RPH3AL: variants seen among roughly 807,000 people sequenced by gnomAD.
The protein encoded by RPH3AL is rab effector Noc2.
In RPH3AL, 38 loss-of-function variants were observed where a neutral mutation model predicts 43.1. That is an observed-to-expected ratio of 0.88 (90% CI 0.68 to 1.15). RPH3AL has a LOEUF of 1.15. RPH3AL is among the 50% of genes most tolerant of loss of function. RPH3AL has a pLI of 0.00. For synonymous variants in RPH3AL, 189 were observed against 176.3 expected (o/e 1.07, Z -0.57); for missense variants, 462 against 423.2 (o/e 1.09, Z -0.81).
chr17:335,047 G>T (rs775080634), intron 1 of RPH3AL, among the ~76,000 whole-genome samples: 10 of 152,212 alleles, frequency 6.6e-5, no homozygotes. Flanking sequence ...TGGCACGAAC[G>T]AGCGCGCTTT....
intron 3 of RPH3AL, among the ~76,000 whole-genome samples, chr17:326,606 C>A (rs754032441): frequency 6.6e-6 from 1 of 152,162 alleles, no homozygotes; most frequent in Non-Finnish European, 1.5e-5. Context: ...CAGGGCCAGG[C>A]GCGGTGGCTC....
chr17:348,116 C>G (rs1311188793), intron 1 of RPH3AL, among the ~76,000 whole-genome samples: 2 of 148,776 alleles, frequency 1.3e-5, no homozygotes, highest in African/African-American at 4.9e-5. Flanking sequence ...AAAAACAGAG[C>G]TGGCAAAGGG....
intron 6 of RPH3AL, among the ~76,000 whole-genome samples, chr17:280,450 T>C (rs1195758580): frequency 2.0e-5 from 3 of 152,090 alleles, no homozygotes; most frequent in African/African-American, 7.2e-5. Flanking sequence ...ATAATCCCAG[T>C]ATCACCATGG....
In RPH3AL at chr17:215,675, G is replaced by C. The variant is rs182695940; in HGVS notation, c.855C>G (p.Pro285=). ...GSADPPGGPR[P]GLTRRAPVKD... is the part of the protein sequence containing the mutation. ...TCACCGGGGCCCTTCGGGTCAGCCC[G>C]GGGCGGGGTCCCCCTGGCGGGTCAG... is the stretch of plus-strand genomic sequence containing the variant. The change falls in exon 9 of 10, where the codon CCC becomes CCG. Residue 285 remains proline, a synonymous_variant. Coordinates refer to ENST00000331302, the MANE Select transcript of RPH3AL (RefSeq NM_006987.4). The surrounding 1 kb of genome is among the most constrained non-coding windows in gnomAD (Gnocchi z 4.1). 6.3e-6 allele frequency: 8 copies of C among 1,276,586 alleles called. No homozygotes were observed. Among genetic ancestry groups the C allele is most frequent in the Non-Finnish European group, 7.9e-6 (8 of 1,006,326 alleles). 79.1% of individuals were successfully genotyped at this position (1,276,586 alleles called of 1,614,324 possible). A position where few individuals can be genotyped will look rare whatever the true frequency, so the allele number is the denominator to read the frequency against.
At chr17:241,246 G>A (rs2041526602) in intron 7 of RPH3AL, among the ~76,000 whole-genome samples, 1 of 151,660 alleles carries the variant, frequency 6.6e-6, no homozygotes, top group Non-Finnish European at 1.5e-5. Flanking sequence ...GAATTTAAAA[G>A]TTTGGTAGGT....
At chr17:294,224 G>A (rs1354825358) in intron 5 of RPH3AL, among the ~76,000 whole-genome samples, 3 of 151,846 alleles carry the variant, frequency 2.0e-5, no homozygotes, top group Non-Finnish European at 4.4e-5. Flanking sequence ...ACGTACAAAC[G>A]CCAGCATGGG....
rs546296899 is a variant in RPH3AL, at chr17:347,591, A to C, written c.-213+5121T>G. Among the ~76,000 whole-genome samples the C allele has an allele frequency of 2.0e-5, 3 of 152,090 alleles. No individual in the cohort carries two copies. In the South Asian group the frequency reaches 6.2e-4, roughly 32 times the overall value. ...AGAGCAAGACTCTGTTCAAAAAAAA[A>C]ACCAGCCCAGCCACTTTGGAAGGTA... On this transcript the variant is annotated intron_variant, in intron 1 of 9. Coordinates refer to ENST00000331302, the MANE Select transcript of RPH3AL (RefSeq NM_006987.4).
Position 333,721 on chromosome 17 carries a change from A to T in RPH3AL, c.-37+38T>A, listed in dbSNP as rs1215707541. 1 of 175,130 alleles carries T rather than the reference A, an allele frequency of 5.7e-6. No homozygotes were observed. Among genetic ancestry groups the T allele is most frequent in the African/African-American group, 2.4e-5 (1 of 42,438 alleles). The allele number at this position is 175,130 out of a possible 1,614,324, so 10.8% of individuals were successfully genotyped here. The stretch of plus-strand genomic sequence containing the variant: ...GCCTTAGGATAAGTTCCCAAAAGGG[A>T]AATGAAGTGCATTTTTTCAGTGTAT... On this transcript the variant is annotated intron_variant, in intron 2 of 9. Transcript: ENST00000331302. The surrounding 1 kb of genome is among the most constrained non-coding windows in gnomAD (Gnocchi z 4.5).
intron 5 of RPH3AL, among the ~76,000 whole-genome samples, chr17:312,123 G>A (rs1052321818): frequency 6.6e-5 from 10 of 152,030 alleles, no homozygotes; most frequent in African/African-American, 2.2e-4. Context: ...GCAACAAAGC[G>A]ATACCCTGTC....
At chr17:284,548 G>A (rs2042859870) in intron 5 of RPH3AL, among the ~76,000 whole-genome samples, 2 of 152,014 alleles carry the variant, frequency 1.3e-5, no homozygotes, top group South Asian at 2.1e-4. Context: ...TAGGAGCAAC[G>A]GCCCAGGCTG....
In RPH3AL at chr17:290,218, T is replaced by C. The variant is rs572398982; in HGVS notation, c.352-8364A>G. 1.4e-4 allele frequency among the ~76,000 whole-genome samples: 21 copies of C among 152,270 alleles called. No homozygotes were observed. The highest frequency in any genetic ancestry group is 1.4e-3 in the East Asian group (7 of 5,178). On this transcript the variant is annotated intron_variant, in intron 5 of 9. Transcript: ENST00000331302. This position sits in a 1 kb window ranked among gnomAD's most constrained non-coding sequence, Gnocchi z 4.2. ...GAGGCAGGGTCCAATCACGTCCACA[T>C]TGAGTGATGCTGACCAGCAGGATTG...
rs752286493 is a variant in RPH3AL, at chr17:235,982, A to G, written c.613+11129T>C. Among the ~76,000 whole-genome samples the G allele has an allele frequency of 3.8e-3, 363 of 95,786 alleles. 5 individuals carry two copies. Among genetic ancestry groups the G allele is most frequent in the Middle Eastern group, 0.016 (3 of 182 alleles). The allele number at this position is 95,786 out of a possible 152,430, so 62.8% of individuals were successfully genotyped here. On this transcript the variant is annotated intron_variant, in intron 7 of 9. Transcript: ENST00000331302. ...CAAAGCTGGGGTCGGCCAAGGCTCT[A>G]CACTAACAAGACGGGTCCATGGGTC...
At chr17:338,588 T>C (rs980551640) in intron 1 of RPH3AL, 1 of 152,240 alleles carries the variant, frequency 6.6e-6, no homozygotes, top group African/African-American at 2.4e-5. Context: ...GAGCACTCTC[T>C]GCCCAGAAAA....
In RPH3AL at chr17:307,482, C is replaced by T. The variant is rs146573341; in HGVS notation, c.351+11938G>A. On this transcript the variant is annotated intron_variant, in intron 5 of 9. Coordinates refer to ENST00000331302, the MANE Select transcript of RPH3AL (RefSeq NM_006987.4). The stretch of plus-strand genomic sequence containing the variant: ...CCACGCTCATCCCTGCCTTCTACTT[C>T]TACAGCACTCCTCACACTGCACTGC... Among the ~76,000 whole-genome samples the T allele has an allele frequency of 4.8e-3, 726 of 152,326 alleles. 4 individuals are homozygous for T. The highest frequency in any genetic ancestry group is 9.3e-3 in the South Asian group (45 of 4,830).
At chr17:334,132 C>T (rs1190106081) in intron 1 of RPH3AL, 198 bp from the exon 2 acceptor site, 1 of 153,264 alleles carries the variant, frequency 6.5e-6, no homozygotes, top group African/African-American at 2.4e-5. Flanking sequence ...GCCGACTGTT[C>T]CCCGCCCCGA....
chr17:255,852 C>T (rs868935159), intron 6 of RPH3AL, among the ~76,000 whole-genome samples: 2 of 50,924 alleles, frequency 3.9e-5, no homozygotes, highest in African/African-American at 7.0e-5. Context: ...ATGAGGGGAG[C>T]CGCACGGCGT....
intron 7 of RPH3AL, among the ~76,000 whole-genome samples, chr17:224,955 G>T (rs1318430653): frequency 6.8e-6 from 1 of 146,630 alleles, no homozygotes; most frequent in African/African-American, 2.5e-5. Flanking sequence ...CACACACCGG[G>T]GCCTGTCATG....
At chr17:251,435 C>A (rs1324233758) in intron 6 of RPH3AL, among the ~76,000 whole-genome samples, 3 of 152,236 alleles carry the variant, frequency 2.0e-5, no homozygotes, top group Non-Finnish European at 4.4e-5. Context: ...ACAAGTTCAG[C>A]AATTTCCCCA....
At chr17:314,321 A>G (rs929098252) in intron 5 of RPH3AL, among the ~76,000 whole-genome samples, 2 of 151,810 alleles carry the variant, frequency 1.3e-5, no homozygotes, top group African/African-American at 2.4e-5. Context: ...GAGAGACAGG[A>G]GGAGGAAGCA....
Sources: allele counts gnomAD v4.1 joint callset (sites outside exome capture counted in the v4.1 genomes callset), GRCh38; gene constraint gnomAD v4.1.1; non-coding constraint Gnocchi (gnomAD v3.1); transcripts MANE v1.5; gene names NCBI Gene and HGNC (gene_info 2026-07-23, HGNC 2026-07-21).